The following PER3 variants were observed in gnomAD, a reference collection of about 807,000 sequenced individuals.
PER3 encodes period circadian regulator 3, also known as period circadian protein homolog 3.
PER3 carries 107 observed loss-of-function variants against 127.2 expected under a neutral mutation model. That is an observed-to-expected ratio of 0.84 (90% CI 0.72 to 0.99). The LOEUF (loss-of-function observed/expected upper bound fraction) is 0.99. PER3 is among the 50% of genes least tolerant of loss of function. The pLI, the probability that PER3 is intolerant of heterozygous loss-of-function variation, is 0.00. For synonymous variants in PER3, 618 were observed against 585.8 expected, an observed-to-expected ratio of 1.05 and a Z score of -0.79; for missense variants, 1,560 against 1,525.8, an observed-to-expected ratio of 1.02 and a Z score of -0.37.
intron 2 of PER3, 124 bp from the exon 3 acceptor site, chr1:7,785,317 C>T: frequency 2.7e-6 from 2 of 736,568 alleles, no homozygotes; most frequent in South Asian, 3.7e-5. Context: ...AGAGGGGTCA[C>T]CACCCTGTGG....
In PER3 at chr1:7,827,696, C is replaced by G. The variant is rs764149749; in HGVS notation, c.2767C>G (p.Pro923Ala). 5 of 1,613,996 alleles carry G rather than the reference C, an allele frequency of 3.1e-6. No homozygotes were observed. In the East Asian group the frequency reaches 8.9e-5, roughly 29 times the overall value. Reference sequence around the variant, plus strand: ...GTGGGAGGCACAAAGCGAGGGGCACCCGTTCATTACTTCGAGAAGCAGCTC... The same window carrying G: ...GTGGGAGGCACAAAGCGAGGGGCACGCGTTCATTACTTCGAGAAGCAGCTC... ...EKWEAQSEGHPFITSRSSSPL... is the reference protein window; with the variant it reads ...EKWEAQSEGHAFITSRSSSPL... Residue 923 changes from proline to alanine, a missense_variant, in exon 18 of 22, where the codon CCG (proline) becomes GCG (alanine). Transcript: ENST00000377532.
chr1:7,836,882 A>G (rs976648665), intron 20 of PER3, 117 bp from the exon 21 acceptor site: 1 of 662,106 alleles, frequency 1.5e-6, no homozygotes, highest in African/African-American at 1.8e-5. Context: ...TGTATGCCTC[A>G]TGTGTTAGAA....
intron 5 of PER3, 82 bp from the exon 6 acceptor site, chr1:7,793,875 T>A (rs1436314336): frequency 8.7e-7 from 1 of 1,146,506 alleles, no homozygotes; most frequent in African/African-American, 1.5e-5. Flanking sequence ...AAATAGTTTG[T>A]TGTTTGATAA....
Position 7,784,775 on chromosome 1 carries a change from G to C in PER3, c.-103G>C. Reference sequence around the variant, plus strand: ...GCCTGTTCTCACTAACGCCATGGCGGGGACCGGAGTGAGAAACCGGTGTCT... The same window carrying C: ...GCCTGTTCTCACTAACGCCATGGCGCGGACCGGAGTGAGAAACCGGTGTCT... On this transcript the variant is annotated 5_prime_UTR_variant, in exon 2 of 22. Transcript: ENST00000377532. 1 of 1,237,496 alleles carries C rather than the reference G, an allele frequency of 8.1e-7. No individual in the cohort carries two copies. The highest frequency in any genetic ancestry group is 1.0e-6 in the Non-Finnish European group (1 of 953,278). 76.7% of individuals were successfully genotyped at this position (1,237,496 alleles called of 1,614,324 possible). A position where few individuals can be genotyped will look rare whatever the true frequency, so the allele number is the denominator to read the frequency against.
intron 8 of PER3, among the ~76,000 whole-genome samples, chr1:7,801,684 T>A (rs1012567288): frequency 6.6e-6 from 1 of 152,230 alleles, no homozygotes; most frequent in African/African-American, 2.4e-5. Context: ...ACTTCTGTCC[T>A]TCCTACTTTT....
At chr1:7,791,377 C>G (rs1412267938) in intron 5 of PER3, among the ~76,000 whole-genome samples, 1 of 152,236 alleles carries the variant, frequency 6.6e-6, no homozygotes, top group African/African-American at 2.4e-5. Context: ...ACCTTGGTCC[C>G]TTTTAGCCAT....
chr1:7,788,196 C>A lies in PER3; in HGVS notation c.542C>A (p.Ala181Glu). The A allele has an allele frequency of 6.2e-7, 1 of 1,614,028 alleles. No homozygotes were observed. The highest frequency in any genetic ancestry group is 8.5e-7 in the Non-Finnish European group (1 of 1,179,964). Residue 181 changes from alanine (A) to glutamate (E), a missense_variant, in exon 5 of 22, where the codon GCG (alanine) becomes GAG (glutamate). Physicochemically the swap from Ala to Glu is moderately radical, Grantham distance 107 (BLOSUM62 -1). This residue lies in a region of PER3 where 1,332 missense variants were observed against 1,223.6 expected (regional missense o/e 1.09). Transcript: ENST00000377532. ...LAPQDMRVFY[A>E]HTARAQLPFW... ...CCTCAAGACATGAGGGTATTCTACG[C>A]GCACACTGCCAGAGCTCAGCTTCCT...
At chr1:7,841,149 A>C (rs554584685) in intron 21 of PER3, among the ~76,000 whole-genome samples, 14 of 152,262 alleles carry the variant, frequency 9.2e-5, no homozygotes, top group African/African-American at 3.1e-4. Context: ...ACTAAAAAAA[A>C]CTCAAAATGT....
At chr1:7,830,213 A>C in intron 19 of PER3, 52 bp downstream of exon 19, 1 of 1,474,648 alleles carries the variant, frequency 6.8e-7, no homozygotes, top group Non-Finnish European at 9.4e-7. Flanking sequence ...GACATTCACT[A>C]TGTGCTGAGC....
chr1:7,840,123 C>G (rs537935028), intron 21 of PER3, among the ~76,000 whole-genome samples: 3 of 152,044 alleles, frequency 2.0e-5, no homozygotes, highest in African/African-American at 7.2e-5. Flanking sequence ...GGTCTTCATA[C>G]GTGTATTCTT....
At position 7,843,735 on chromosome 1, in the gene PER3, GGA is replaced by G. The variant is rs1265517481; in HGVS notation, c.*981_*982del. On this transcript the variant is annotated 3_prime_UTR_variant, in exon 22 of 22. Transcript: ENST00000377532. ...GCCCTTGAACAGGGCAGTGTTGTGG[GGA>G]CTGCAAAAGAGAAAACGTCCAGGCG... is the stretch of plus-strand genomic sequence containing the variant. 1 of 208,712 alleles carries G rather than the reference GGA, an allele frequency of 4.8e-6. No homozygotes were observed. Among genetic ancestry groups the G allele is most frequent in the African/African-American group, 2.4e-5 (1 of 42,240 alleles). The allele number at this position is 208,712 out of a possible 1,614,324, so 12.9% of individuals were successfully genotyped here.
chr1:7,817,967 C>T (rs1035804138), intron 13 of PER3, among the ~76,000 whole-genome samples: 3 of 152,180 alleles, frequency 2.0e-5, no homozygotes, highest in Non-Finnish European at 2.9e-5. Context: ...ACAAAACATA[C>T]TGACATCATG....
At position 7,785,525 on chromosome 1, in the gene PER3, C is replaced by CTATT. The variant is rs967748304; in HGVS notation, c.213_214insTATT (p.Asn72TyrfsTer2). On this transcript the variant is annotated frameshift_variant, in exon 3 of 22. Transcript: ENST00000377532. LOFTEE classifies it high-confidence loss of function. ...AAAAATACTTCCCCTCGGAGAGACG[C>CTATT]AATAAACCAAGCACTCTAGATGCCC... is the stretch of plus-strand genomic sequence containing the variant. 1.2e-6 allele frequency: 2 copies of CTATT among 1,612,214 alleles called. No individual in the cohort carries two copies. Among genetic ancestry groups the CTATT allele is most frequent in the Non-Finnish European group, 1.7e-6 (2 of 1,178,462 alleles).
chr1:7,799,643 A>T (rs1462757303), intron 7 of PER3, among the ~76,000 whole-genome samples: 1 of 151,284 alleles, frequency 6.6e-6, no homozygotes, highest in East Asian at 1.9e-4. Flanking sequence ...TAATCATTTC[A>T]TGCATGTTAA....
At chr1:7,819,160 T>C (rs1281085879) in intron 13 of PER3, 125 bp from the exon 14 acceptor site, 1 of 729,636 alleles carries the variant, frequency 1.4e-6, no homozygotes, top group African/African-American at 1.8e-5. Flanking sequence ...TCATTTTTAA[T>C]AGCCGCATGA....
chr1:7,833,738 G>A (rs958004099), intron 19 of PER3, among the ~76,000 whole-genome samples: 1 of 152,082 alleles, frequency 6.6e-6, no homozygotes, highest in African/African-American at 2.4e-5. Context: ...TACATTTAAT[G>A]TGAATATTGA....
intron 13 of PER3, among the ~76,000 whole-genome samples, 196 bp from the exon 14 acceptor site, chr1:7,819,089 A>G (rs1445178927): frequency 2.0e-5 from 3 of 152,156 alleles, no homozygotes. Flanking sequence ...TGTGCTCTGC[A>G]CCTTATTTTA....
rs1459573028 is a variant in PER3 at position 7,809,952 on chromosome 1, G to A, written c.1302G>A (p.Glu434=). ...YGSLGSSGSQ[E]QLVSIASSSE... The stretch of plus-strand genomic sequence containing the variant: ...GCCTGGGGAGCAGCGGGTCGCAGGA[G>A]CAGCTTGTCAGCATCGCCTCCTCCA... The change falls in exon 12 of 22, where the codon GAG becomes GAA. Residue 434 remains glutamate, a synonymous_variant. Coordinates refer to ENST00000377532, the MANE Select transcript of PER3 (RefSeq NM_001377275.1). The A allele has an allele frequency of 6.2e-7, 1 of 1,614,106 alleles. No individual in the cohort carries two copies. The highest frequency in any genetic ancestry group is 1.7e-5 in the Admixed American group (1 of 60,028).
chr1:7,803,847 A>G lies in PER3; in HGVS notation c.1135A>G (p.Thr379Ala). The G allele has an allele frequency of 6.2e-7, 1 of 1,610,812 alleles. No individual in the cohort carries two copies. Among genetic ancestry groups the G allele is most frequent in the Non-Finnish European group, 8.5e-7 (1 of 1,178,576 alleles). Reference protein sequence around the residue: ...SFIIGRHKVRTSPLNEDVFAT... With the variant: ...SFIIGRHKVRASPLNEDVFAT... ...CATCATTGGTCGGCATAAAGTTCGA[A>G]CGTAAGCCAGTCAGTTTTCATATTT... is the stretch of plus-strand genomic sequence containing the variant. Residue 379 changes from threonine (T) to alanine (A), a missense_variant and splice_region_variant, in exon 10 of 22, where the codon ACG (threonine) becomes GCG (alanine). Transcript: ENST00000377532.
Sources: gnomAD v4.1 joint callset for allele counts (sites outside exome capture counted in the v4.1 genomes callset) on GRCh38, gnomAD v4.1.1 for gene constraint, gnomAD v4.1.1 regional missense constraint, MANE v1.5 for transcripts, NCBI Gene and HGNC (gene_info 2026-07-23, HGNC 2026-07-21) for gene names.